The following CTDP1 variants were observed in gnomAD, a reference collection of about 807,000 sequenced individuals.
CTDP1 encodes CTD phosphatase 1, also known as RNA polymerase II subunit A C-terminal domain phosphatase.
A neutral mutation model predicts 91.8 loss-of-function variants in CTDP1; 47 were observed. The observed-to-expected ratio is 0.51, with a 90% CI of 0.41 to 0.65. The LOEUF is 0.65. Ranked by LOEUF, CTDP1 falls within the 30% of genes least tolerant of loss-of-function variation. The probability of loss-of-function intolerance (pLI) is 0.00; values close to 1 mark genes in which losing one functional copy is unlikely to be tolerated. For synonymous variants in CTDP1, 656 were observed against 598.5 expected (o/e 1.10, Z -1.40); for missense variants, 1,272 against 1,373.7 (o/e 0.93, Z 1.17).
At chr18:79,723,437 A>G (rs1020369265) in intron 10 of CTDP1, among the ~76,000 whole-genome samples, 1 of 152,188 alleles carries the variant, frequency 6.6e-6, no homozygotes, top group African/African-American at 2.4e-5. Flanking sequence ...CAGTGAGGGC[A>G]GTTGGCCCTT....
chr18:79,709,581 A>C (rs1196109583), intron 5 of CTDP1, among the ~76,000 whole-genome samples: 1 of 152,224 alleles, frequency 6.6e-6, no homozygotes, highest in East Asian at 1.9e-4. Context: ...TAGACTTGTA[A>C]TTAACGGATG....
intron 11 of CTDP1, 51 bp from the exon 12 acceptor site, chr18:79,736,304 G>C: frequency 4.5e-6 from 7 of 1,548,228 alleles, no homozygotes; most frequent in Non-Finnish European, 6.1e-6. Context: ...CTGTTGCGGA[G>C]GAACGGGGCC....
intron 4 of CTDP1, among the ~76,000 whole-genome samples, chr18:79,700,674 C>T (rs1489759843): frequency 6.6e-6 from 1 of 152,292 alleles, no homozygotes; most frequent in Middle Eastern, 3.4e-3. Context: ...GGCAAGTTCC[C>T]CTGGAGATAG....
At chr18:79,737,471 G>A (rs577073865) in intron 12 of CTDP1, among the ~76,000 whole-genome samples, 107 of 152,282 alleles carry the variant, frequency 7.0e-4, no homozygotes, top group African/African-American at 2.5e-3. Flanking sequence ...CGGTCCCATC[G>A]CAGTTTCTGA....
Position 79,695,273 on chromosome 18 carries a change from A to T in CTDP1, c.363A>T (p.Lys121Asn). The T allele has an allele frequency of 1.2e-6, 2 of 1,614,178 alleles. No homozygotes were observed. Among genetic ancestry groups the T allele is most frequent in the Non-Finnish European group, 1.7e-6 (2 of 1,180,038 alleles). Residue 121 changes from lysine to asparagine, a missense_variant, in exon 2 of 13, where the codon AAA becomes AAT. Physicochemically the swap from Lys to Asn is moderately conservative, Grantham distance 94. Coordinates refer to ENST00000613122, the MANE Select transcript of CTDP1 (RefSeq NM_004715.5). Reference sequence around the variant, plus strand: ...GATGCAGCCACCCGGTTGTCATGAAAGGCCTGTGTGCTGAATGTGGCCAAG... The same window carrying T: ...GATGCAGCCACCCGGTTGTCATGAATGGCCTGTGTGCTGAATGTGGCCAAG... ...LEGCSHPVVMKGLCAECGQDL... is the reference protein window; with the variant it reads ...LEGCSHPVVMNGLCAECGQDL...
In CTDP1 at chr18:79,699,258, G is replaced by A. The variant is rs1391026566; in HGVS notation, c.621+1270G>A. On this transcript the variant is annotated intron_variant, in intron 4 of 12. Transcript: ENST00000613122. ...CATACCCGCTACTCTACTCACTAAG[G>A]TTTTTTGTTTGTTTGTTTTTGAGAC... Among the ~76,000 whole-genome samples, 7 of 152,080 alleles carry A rather than the reference G, an allele frequency of 4.6e-5. No individual in the cohort carries two copies. The East Asian group carries it at 1.4e-3, about 29-fold the overall frequency.
At chr18:79,742,141 TGAGGTGGAGGCCTGGGGGCAGCAGAG>T (rs57488085) in intron 12 of CTDP1, among the ~76,000 whole-genome samples, 5,861 of 105,712 alleles carry the variant, frequency 0.055, 150 homozygotes, top group East Asian at 0.086. Flanking sequence ...AGAGGAGGCA[TGAGGTGGAGGCCTGGGGGCAGCAGAG>T]GAAGCATGAA....
At chr18:79,707,486 G>A (rs2085990975) in intron 5 of CTDP1, among the ~76,000 whole-genome samples, 1 of 152,250 alleles carries the variant, frequency 6.6e-6, no homozygotes, top group Non-Finnish European at 1.5e-5. Flanking sequence ...AGACCAGCTA[G>A]GTTTGTTGAG....
chr18:79,732,110 G>A (rs1158966073), intron 11 of CTDP1, among the ~76,000 whole-genome samples: 4 of 144,952 alleles, frequency 2.8e-5, no homozygotes, highest in Admixed American at 6.8e-5. Context: ...AGAACTTGCT[G>A]ACATCAGGAG....
At position 79,698,130 on chromosome 18, in the gene CTDP1, G is replaced by T. The variant is rs527286344; in HGVS notation, c.621+142G>T. The T allele has an allele frequency of 2.4e-6, 3 of 1,237,158 alleles. No individual in the cohort carries two copies. In the Admixed American group the frequency reaches 6.0e-5, roughly 25 times the overall value. 76.6% of individuals were successfully genotyped at this position (1,237,158 alleles called of 1,614,324 possible). ...GAAAGCAGACTTGCTAGTTCTGGGC[G>T]TGGGCCGTGTGTCTGCTGGGCTGTT... On this transcript the variant is annotated intron_variant, in intron 4 of 12. Transcript: ENST00000613122.
At chr18:79,697,626 C>T (rs200790823) in intron 3 of CTDP1, among the ~76,000 whole-genome samples, 1 of 152,202 alleles carries the variant, frequency 6.6e-6, no homozygotes, top group South Asian at 2.1e-4. Flanking sequence ...CTTCCCCCTC[C>T]GTTTTCATTG....
At chr18:79,730,738 A>C (rs1176870289) in intron 11 of CTDP1, among the ~76,000 whole-genome samples, 2 of 152,178 alleles carry the variant, frequency 1.3e-5, no homozygotes, top group Non-Finnish European at 2.9e-5. Flanking sequence ...GCCTGCAGGC[A>C]GGAGAAGGGG....
In CTDP1 at chr18:79,715,508, A is replaced by AC; in HGVS notation, c.2050dup (p.Leu684ProfsTer26). The AC allele has an allele frequency of 6.4e-7, 1 of 1,563,116 alleles. No individual in the cohort carries two copies. Among genetic ancestry groups the AC allele is most frequent in the Non-Finnish European group, 8.6e-7 (1 of 1,157,172 alleles). Reference sequence around the variant, plus strand: ...CCCGACGCCCCTGACAGGGCCACGCACCTGATCGCCGCGCGAGCTGGTGAG... The same window carrying AC: ...CCCGACGCCCCTGACAGGGCCACGCACCCTGATCGCCGCGCGAGCTGGTGAG... On this transcript the variant is annotated frameshift_variant, in exon 8 of 13. Transcript: ENST00000613122. LOFTEE classifies it high-confidence loss of function.
chr18:79,678,546 T>A (rs2085283651), upstream of CTDP1: 1 of 152,104 alleles, frequency 6.6e-6, no homozygotes, highest in African/African-American at 2.4e-5. Context: ...GTGGCCCAAA[T>A]AAACTCTCTA....
chr18:79,715,474 G>C lies in CTDP1; in HGVS notation c.2014G>C (p.Val672Leu), dbSNP rs1200918558. Residue 672 changes from valine (V) to leucine (L), a missense_variant, in exon 8 of 13, where the codon GTG becomes CTG. By Grantham distance (32) the Val-to-Leu change is conservative (BLOSUM62 1). Around this residue, in one of 3 missense-constraint regions of CTDP1, gnomAD observed 881 missense variants for 911.6 expected, o/e 0.97. Transcript: ENST00000613122. ...ALGAKILTRL[V>L]LSPDAPDRAT... The stretch of plus-strand genomic sequence containing the variant: ...GGGAGCGAAGATCCTCACTCGGCTG[G>C]TGCTGAGCCCCGACGCCCCTGACAG... 6.3e-7 allele frequency: 1 copy of C among 1,582,740 alleles called. No individual in the cohort carries two copies. The highest frequency in any genetic ancestry group is 2.3e-5 in the East Asian group (1 of 43,358).
rs145835601 is a variant in CTDP1, at chr18:79,699,836, G to T, written c.621+1848G>T. Among the ~76,000 whole-genome samples, 222 of 152,284 alleles carry T rather than the reference G, an allele frequency of 1.5e-3. 3 individuals are homozygous for T. The Middle Eastern group carries it at 0.017, about 12-fold the overall frequency. ...ATTTTCCAGCAGCATGTGCCCCCAG[G>T]TGTTGTGCCACGCTCTGGAAATTTC... On this transcript the variant is annotated intron_variant, in intron 4 of 12. Coordinates refer to ENST00000613122, the MANE Select transcript of CTDP1 (RefSeq NM_004715.5).
chr18:79,705,334 G>C (rs1461869870), intron 5 of CTDP1, among the ~76,000 whole-genome samples: 2 of 152,206 alleles, frequency 1.3e-5, no homozygotes, highest in Non-Finnish European at 2.9e-5. Context: ...TTTAGCGTTT[G>C]CTTCTGTCTC....
At chr18:79,716,566 G>A (rs1365693798) in intron 8 of CTDP1, among the ~76,000 whole-genome samples, 1 of 152,098 alleles carries the variant, frequency 6.6e-6, no homozygotes, top group Non-Finnish European at 1.5e-5. Flanking sequence ...GCGTGGAGCC[G>A]GGCCAGGCCG....
At chr18:79,677,645 T>C (rs544800621), upstream of CTDP1, 1 of 152,422 alleles carries the variant, frequency 6.6e-6, no homozygotes, top group African/African-American at 2.4e-5. Flanking sequence ...GTCCTTACAG[T>C]TGGAACCAGG....
Sources: allele counts gnomAD v4.1 joint callset (sites outside exome capture counted in the v4.1 genomes callset), GRCh38; gene constraint gnomAD v4.1.1; regional missense constraint gnomAD v4.1.1; transcripts MANE v1.5; gene names NCBI Gene and HGNC (gene_info 2026-07-23, HGNC 2026-07-21).